HFM1: variants seen among roughly 807,000 people sequenced by gnomAD.
HFM1 encodes probable ATP-dependent DNA helicase HFM1.
HFM1 carries 169 observed loss-of-function variants against 192.1 expected under a neutral mutation model. That is an observed-to-expected ratio of 0.88 (90% CI 0.78 to 1.00). The LOEUF (loss-of-function observed/expected upper bound fraction) is 1.00, where lower values mean the gene tolerates loss of function less well. HFM1 is among the 50% of genes least tolerant of loss of function. HFM1 has a pLI of 0.00. For synonymous variants in HFM1, 525 were observed against 537.8 expected, an observed-to-expected ratio of 0.98 and a Z score of 0.33; for missense variants, 1,661 against 1,668.0, an observed-to-expected ratio of 1.00 and a Z score of 0.07.
chr1:91,401,917 T>TAAA (rs367822100), intron 1 of HFM1, among the ~76,000 whole-genome samples: 1 of 148,650 alleles, frequency 6.7e-6, no homozygotes. Context: ...CAAATGTGAT[T>TAAA]AAAAAAAAAA....
At chr1:91,400,575 G>A (rs1378939756) in intron 2 of HFM1, among the ~76,000 whole-genome samples, 1 of 152,034 alleles carries the variant, frequency 6.6e-6, no homozygotes, top group Non-Finnish European at 1.5e-5. Context: ...TCCGCCTCCG[G>A]GCTTCAAGCA....
chr1:91,312,592 T>C (rs764534475), intron 30 of HFM1, among the ~76,000 whole-genome samples: 17 of 152,210 alleles, frequency 1.1e-4, no homozygotes, highest in Non-Finnish European at 2.1e-4. Context: ...AGTAACTAGC[T>C]TGCTTTTGAT....
intron 6 of HFM1, among the ~76,000 whole-genome samples, chr1:91,382,328 A>G (rs1444628205): frequency 6.6e-6 from 1 of 151,732 alleles, no homozygotes; most frequent in Non-Finnish European, 1.5e-5. Flanking sequence ...TTTCTAAAAA[A>G]CTCTGACTTA....
chr1:91,323,335 C>T (rs1570949823), intron 21 of HFM1, 136 bp from the exon 22 acceptor site: 1 of 584,488 alleles, frequency 1.7e-6, no homozygotes, highest in East Asian at 3.1e-5. Context: ...AGTTAAAAAC[C>T]TGCTTTATAC....
intron 30 of HFM1, among the ~76,000 whole-genome samples, chr1:91,286,272 C>T (rs1247014652): frequency 6.6e-6 from 1 of 152,198 alleles, no homozygotes; most frequent in African/African-American, 2.4e-5. Context: ...AAGTACCACA[C>T]ACTGGATGGC....
At chr1:91,341,246 C>T (rs1288838462) in intron 20 of HFM1, among the ~76,000 whole-genome samples, 3 of 152,072 alleles carry the variant, frequency 2.0e-5, no homozygotes, top group African/African-American at 7.2e-5. Flanking sequence ...ATTCTTAGAC[C>T]ACAATGCAGT....
chr1:91,382,201 T>C (rs1446529181), intron 6 of HFM1, among the ~76,000 whole-genome samples: 1 of 152,106 alleles, frequency 6.6e-6, no homozygotes, highest in Non-Finnish European at 1.5e-5. Context: ...AATCTGACCT[T>C]CTCAAGGTCT....
chr1:91,339,796 C>T lies in HFM1; in HGVS notation c.2335+3634G>A, dbSNP rs369443073. On this transcript the variant is annotated intron_variant, in intron 20 of 38. Coordinates refer to ENST00000370425, the MANE Select transcript of HFM1 (RefSeq NM_001017975.6). ...GGTCAACATTCAAATTCAGAAAATT[C>T]AGAGAGCCCCAGTGAGATACTATAT... 3.3e-5 allele frequency among the ~76,000 whole-genome samples: 5 copies of T among 152,130 alleles called. No homozygotes were observed. The East Asian group carries it at 9.7e-4, about 29-fold the overall frequency.
At position 91,263,790 on chromosome 1, in the gene HFM1, C is replaced by G. The variant is rs188016683; in HGVS notation, c.3975-1198G>C. ...TCCTCAGGTCCCACAGGCCTTTTCC[C>G]CAGCAGCAACTTCTACACCAGGTTC... is the stretch of plus-strand genomic sequence containing the variant. On this transcript the variant is annotated intron_variant, in intron 36 of 38. Coordinates refer to ENST00000370425, the MANE Select transcript of HFM1 (RefSeq NM_001017975.6). Among the ~76,000 whole-genome samples the G allele has an allele frequency of 1.1e-3, 162 of 152,268 alleles. 2 individuals carry two copies. Among genetic ancestry groups the G allele is most frequent in the African/African-American group, 3.7e-3 (152 of 41,542 alleles).
At chr1:91,336,799 C>G (rs1654636682) in intron 20 of HFM1, among the ~76,000 whole-genome samples, 1 of 152,184 alleles carries the variant, frequency 6.6e-6, no homozygotes, top group Non-Finnish European at 1.5e-5. Context: ...CACTGCAGCA[C>G]TATTCACAAT....
intron 34 of HFM1, among the ~76,000 whole-genome samples, chr1:91,268,318 T>A (rs1465886037): frequency 2.6e-5 from 4 of 152,002 alleles, no homozygotes; most frequent in Admixed American, 6.6e-5. Flanking sequence ...TAATTTTCAG[T>A]ATTGTTATAA....
chr1:91,375,289 A>T, intron 13 of HFM1, 69 bp downstream of exon 13: 1 of 1,087,542 alleles, frequency 9.2e-7, no homozygotes, highest in East Asian at 2.4e-5. Context: ...GGACAAGCCT[A>T]ATTTTCTCAT....
chr1:91,309,915 C>T (rs903192155), intron 30 of HFM1, among the ~76,000 whole-genome samples: 1 of 151,834 alleles, frequency 6.6e-6, no homozygotes, highest in South Asian at 2.1e-4. Context: ...ATTGTGATCT[C>T]TGAAAACTAC....
At chr1:91,266,912 A>T (rs1312392432) in intron 35 of HFM1, among the ~76,000 whole-genome samples, 3 of 152,194 alleles carry the variant, frequency 2.0e-5, no homozygotes, top group African/African-American at 7.2e-5. Context: ...TTAGTTCTCT[A>T]GGTAATTCTA....
At chr1:91,303,770 A>G (rs1472695386) in intron 30 of HFM1, among the ~76,000 whole-genome samples, 1 of 152,216 alleles carries the variant, frequency 6.6e-6, no homozygotes, top group East Asian at 1.9e-4. Flanking sequence ...AACAATGTAG[A>G]GCATCTTTTC....
chr1:91,367,862 T>C (rs1416295497), intron 13 of HFM1, among the ~76,000 whole-genome samples: 2 of 151,964 alleles, frequency 1.3e-5, no homozygotes, highest in East Asian at 3.9e-4. Context: ...GAAAAAAAAT[T>C]AGACGAATGG....
Position 91,315,850 on chromosome 1 carries a change from G to A in HFM1, c.3105C>T (p.Asp1035=), listed in dbSNP as rs748543481. 32 of 1,609,992 alleles carry A rather than the reference G, an allele frequency of 2.0e-5. No individual in the cohort carries two copies. The highest frequency in any genetic ancestry group is 3.4e-5 in the Admixed American group (2 of 59,536). ...DSHYVTLIIG[D]ADNQVVYLHK... Reference sequence around the variant, plus strand: ...GCAGATAAACTACTTGATTATCTGCGTCACCTATGATTAAGGTAACATAGT... The same window carrying A: ...GCAGATAAACTACTTGATTATCTGCATCACCTATGATTAAGGTAACATAGT... The change falls in exon 28 of 39, where the codon GAC becomes GAT. Residue 1035 remains aspartate (D), a synonymous_variant. Transcript: ENST00000370425.
intron 4 of HFM1, among the ~76,000 whole-genome samples, chr1:91,391,735 G>A (rs1371263373): frequency 3.3e-5 from 5 of 152,110 alleles, no homozygotes; most frequent in African/African-American, 4.8e-5. Flanking sequence ...GGCAACAAAA[G>A]CCAAAATAAA....
intron 20 of HFM1, among the ~76,000 whole-genome samples, chr1:91,339,764 C>T (rs1273588056): frequency 6.6e-6 from 1 of 151,878 alleles, no homozygotes; most frequent in African/African-American, 2.4e-5. Context: ...CCTGACCTTG[C>T]TAGAGGGGTC....
Sources: gnomAD v4.1 joint callset for allele counts (sites outside exome capture counted in the v4.1 genomes callset) on GRCh38, gnomAD v4.1.1 for gene constraint, MANE v1.5 for transcripts, NCBI Gene and HGNC (gene_info 2026-07-23, HGNC 2026-07-21) for gene names.